Variants in SOX4 observed in about 807,000 individuals in gnomAD.
SOX4 encodes transcription factor SOX-4.
For missense variants in SOX4, 662 were observed against 694.9 expected (o/e 0.95, Z 0.53); for synonymous variants, 465 against 348.4 (o/e 1.33, Z -3.73).
chr6:21,595,659 C>G lies in SOX4; in HGVS notation c.1125C>G (p.Pro375=). 6.5e-7 allele frequency: 1 copy of G among 1,527,176 alleles called. No individual in the cohort carries two copies. The highest frequency in any genetic ancestry group is 8.8e-7 in the Non-Finnish European group (1 of 1,137,058). 94.6% of individuals were successfully genotyped at this position (1,527,176 alleles called of 1,614,324 possible). A position where few individuals can be genotyped will look rare whatever the true frequency, so the allele number is the denominator to read the frequency against. ...CCTCGCCCGCCCCGTCCAGCGCGCC[C>G]TCGCACGCGTCCTCCTCGGCCTCGT... ...RAASPAPSSA[P]SHASSSASSH... is the part of the protein sequence containing the mutation. Residue 375 remains proline, a synonymous_variant, in exon 1 of 1, where the codon CCC becomes CCG. Coordinates refer to ENST00000244745, the MANE Select transcript of SOX4 (RefSeq NM_003107.3).
Position 21,594,972 on chromosome 6 carries a change from C to T in SOX4, c.438C>T (p.Ala146=), listed in dbSNP as rs766126766. 3 of 1,599,756 alleles carry T rather than the reference C, an allele frequency of 1.9e-6. No individual in the cohort carries two copies. The highest frequency in any genetic ancestry group is 2.7e-5 in the African/African-American group (2 of 74,584). The change falls in exon 1 of 1, where the codon GCC becomes GCT. Residue 146 remains alanine, a synonymous_variant. Coordinates refer to ENST00000244745, the MANE Select transcript of SOX4 (RefSeq NM_003107.3). ...SGNANSSSSA[A]ASSKPGEKGD... is the part of the protein sequence containing the mutation. ...ACGCCAACTCCAGCTCCTCGGCCGC[C>T]GCCTCCTCCAAGCCGGGGGAGAAGG...
rs1279883059 is a variant in SOX4 at position 21,597,575 on chromosome 6, CCTT to C, written c.*1618_*1620del. On this transcript the variant is annotated 3_prime_UTR_variant, in exon 1 of 1. Transcript: ENST00000244745. ...TTGTTACCCACGCCATTTTACGTCT[CCTT>C]CACTGAAGGGCTAGAGTTTTAACTT... The C allele has an allele frequency of 7.5e-6, 1 of 133,588 alleles. No homozygotes were observed. The highest frequency in any genetic ancestry group is 2.2e-4 in the East Asian group (1 of 4,474). The allele number at this position is 133,588 out of a possible 1,614,324, so 8.3% of individuals were successfully genotyped here.
chr6:21,595,355 C>A lies in SOX4; in HGVS notation c.821C>A (p.Ala274Glu). 1 of 1,524,992 alleles carries A rather than the reference C, an allele frequency of 6.6e-7. No individual in the cohort carries two copies. The highest frequency in any genetic ancestry group is 8.7e-7 in the Non-Finnish European group (1 of 1,145,430). The allele number at this position is 1,524,992 out of a possible 1,614,324, so 94.5% of individuals were successfully genotyped here. ...TPSASASASS[A>E]ASASAALAAP... is the part of the protein sequence containing the mutation. ...AGCGCCTCGGCCTCCGCCTCCTCGG[C>A]AGCCTCGGCCTCCGCAGCGCTCGCG... Residue 274 changes from alanine to glutamate, a missense_variant, in exon 1 of 1, where the codon GCA (alanine) becomes GAA (glutamate). By Grantham distance (107) the Ala-to-Glu change is moderately radical. Transcript: ENST00000244745.
Position 21,595,257 on chromosome 6 carries a change from G to A in SOX4, c.723G>A (p.Gln241=). Residue 241 remains glutamine, a synonymous_variant, in exon 1 of 1, where the codon CAG becomes CAA. Transcript: ENST00000244745. The part of the protein sequence containing the change: ...AAAAASFAAE[Q]AGAAALLPLG... ...CCGCCGCCTCCTTCGCCGCCGAACAGGCGGGGGCCGCCGCCCTGCTGCCCC... is the reference window on the plus strand; with the variant it reads ...CCGCCGCCTCCTTCGCCGCCGAACAAGCGGGGGCCGCCGCCCTGCTGCCCC... 2 of 1,313,534 alleles carry A rather than the reference G, an allele frequency of 1.5e-6. No homozygotes were observed. Among genetic ancestry groups the A allele is most frequent in the Non-Finnish European group, 1.9e-6 (2 of 1,035,898 alleles). 81.4% of individuals were successfully genotyped at this position (1,313,534 alleles called of 1,614,324 possible).
At position 21,594,526 on chromosome 6, in the gene SOX4, G is replaced by C. The variant is rs764879731; in HGVS notation, c.-9G>C. 2 of 1,524,066 alleles carry C rather than the reference G, an allele frequency of 1.3e-6. No individual in the cohort carries two copies. Among genetic ancestry groups the C allele is most frequent in the Non-Finnish European group, 1.7e-6 (2 of 1,143,712 alleles). 94.4% of individuals were successfully genotyped at this position (1,524,066 alleles called of 1,614,324 possible). On this transcript the variant is annotated 5_prime_UTR_variant, in exon 1 of 1. Transcript: ENST00000244745. ...GTGAGCGCGCGTGGGCGCCCGCCGA[G>C]CCGAGGCCATGGTGCAGCAAACCAA...
chr6:21,596,079 A>G lies in SOX4; in HGVS notation c.*120A>G. The G allele has an allele frequency of 7.3e-7, 1 of 1,365,786 alleles. No individual in the cohort carries two copies. Among genetic ancestry groups the G allele is most frequent in the Non-Finnish European group, 9.5e-7 (1 of 1,053,272 alleles). The allele number at this position is 1,365,786 out of a possible 1,614,324, so 84.6% of individuals were successfully genotyped here. The stretch of plus-strand genomic sequence containing the variant: ...GAGAAAAGGGAAAAAAGAAAGAAAA[A>G]GTAAGCAGGGCTGGCTTCGCCCGCG... On this transcript the variant is annotated 3_prime_UTR_variant, in exon 1 of 1. Coordinates refer to ENST00000244745, the MANE Select transcript of SOX4 (RefSeq NM_003107.3).
At position 21,595,650 on chromosome 6, in the gene SOX4, C is replaced by T. The variant is rs1460019980; in HGVS notation, c.1116C>T (p.Ser372=). ...TGCGCGCCGCCTCGCCCGCCCCGTC[C>T]AGCGCGCCCTCGCACGCGTCCTCCT... is the stretch of plus-strand genomic sequence containing the variant. ...ASLRAASPAP[S]SAPSHASSSA... The change falls in exon 1 of 1, where the codon TCC becomes TCT. Residue 372 remains serine (S), a synonymous_variant. Transcript: ENST00000244745. 3 of 1,513,776 alleles carry T rather than the reference C, an allele frequency of 2.0e-6. No homozygotes were observed. Among genetic ancestry groups the T allele is most frequent in the Middle Eastern group, 3.6e-4 (2 of 5,592 alleles). 93.8% of individuals were successfully genotyped at this position (1,513,776 alleles called of 1,614,324 possible). A position where few individuals can be genotyped will look rare whatever the true frequency, so the allele number is the denominator to read the frequency against.
rs1324237914 is a variant in SOX4, at chr6:21,597,456, T to C, written c.*1497T>C. On this transcript the variant is annotated 3_prime_UTR_variant, in exon 1 of 1. Coordinates refer to ENST00000244745, the MANE Select transcript of SOX4 (RefSeq NM_003107.3). ...ATATTTTTTCTTTTGTCCCTTTTTT[T>C]CTTTCCTTTCTTTTTACTTCCTTTA... is the stretch of plus-strand genomic sequence containing the variant. 16 of 164,882 alleles carry C rather than the reference T, an allele frequency of 9.7e-5. 1 individual carries two copies. Among genetic ancestry groups the C allele is most frequent in the Non-Finnish European group, 5.9e-5 (4 of 68,006 alleles). The allele number at this position is 164,882 out of a possible 1,614,324, so 10.2% of individuals were successfully genotyped here.
chr6:21,596,234 C>G lies in SOX4; in HGVS notation c.*275C>G, dbSNP rs1262119729. The G allele has an allele frequency of 3.1e-6, 1 of 324,890 alleles. No individual in the cohort carries two copies. The highest frequency in any genetic ancestry group is 9.7e-5 in the South Asian group (1 of 10,284). The allele number at this position is 324,890 out of a possible 1,614,324, so 20.1% of individuals were successfully genotyped here. On this transcript the variant is annotated 3_prime_UTR_variant, in exon 1 of 1. Coordinates refer to ENST00000244745, the MANE Select transcript of SOX4 (RefSeq NM_003107.3). The stretch of plus-strand genomic sequence containing the variant: ...GGAGGAAGAGGGTAGACAGGGGCGA[C>G]CTGTGATTGTTGTTATTGATGTTGT...
Position 21,595,424 on chromosome 6 carries a change from A to G in SOX4, c.890A>G (p.Tyr297Cys). Reference protein sequence around the residue: ...HLAEKKVKRVYLFGGLGTSSS... With the variant: ...HLAEKKVKRVCLFGGLGTSSS... Reference sequence around the variant, plus strand: ...GCGGAGAAGAAGGTGAAGCGCGTCTACCTGTTCGGCGGCCTGGGCACGTCG... The same window carrying G: ...GCGGAGAAGAAGGTGAAGCGCGTCTGCCTGTTCGGCGGCCTGGGCACGTCG... The change falls in exon 1 of 1, where the codon TAC becomes TGC. Residue 297 changes from tyrosine (Y) to cysteine (C), a missense_variant. By Grantham distance (194) the Tyr-to-Cys change is radical. Transcript: ENST00000244745. 6.6e-7 allele frequency: 1 copy of G among 1,524,562 alleles called. No homozygotes were observed. Among genetic ancestry groups the G allele is most frequent in the Non-Finnish European group, 8.7e-7 (1 of 1,143,932 alleles). The allele number at this position is 1,524,562 out of a possible 1,614,324, so 94.4% of individuals were successfully genotyped here.
rs1763091250 is a variant in SOX4 at position 21,594,447 on chromosome 6, TTGGCCCGGGGAACCGGGA to T, written c.-87_-70del. 7.5e-7 allele frequency: 1 copy of T among 1,337,256 alleles called. No homozygotes were observed. Among genetic ancestry groups the T allele is most frequent in the Non-Finnish European group, 9.5e-7 (1 of 1,052,570 alleles). 82.8% of individuals were successfully genotyped at this position (1,337,256 alleles called of 1,614,324 possible). ...GCGCGTCTTCCCGTTCGGCGTGTGC[TTGGCCCGGGGAACCGGGA>T]GGGCCCGGCGATCGCGCGGCGGCCG... On this transcript the variant is annotated 5_prime_UTR_variant, in exon 1 of 1. Transcript: ENST00000244745.
At position 21,595,067 on chromosome 6, in the gene SOX4, G is replaced by A. The variant is rs1014196995; in HGVS notation, c.533G>A (p.Gly178Glu). Residue 178 changes from glycine (G) to glutamate (E), a missense_variant, in exon 1 of 1, where the codon GGG becomes GAG. Gly to Glu is a moderately conservative substitution (Grantham distance 98). Coordinates refer to ENST00000244745, the MANE Select transcript of SOX4 (RefSeq NM_003107.3). ...GGCGGCGGCGGGAGCAGCAACGCGGGGGGAGGAGGCGGCGGTGCGAGTGGC... is the reference window on the plus strand; with the variant it reads ...GGCGGCGGCGGGAGCAGCAACGCGGAGGGAGGAGGCGGCGGTGCGAGTGGC... ...GGGGGGSSNA[G>E]GGGGGASGGG... 4 of 1,418,084 alleles carry A rather than the reference G, an allele frequency of 2.8e-6. No individual in the cohort carries two copies. Among genetic ancestry groups the A allele is most frequent in the Non-Finnish European group, 3.7e-6 (4 of 1,092,658 alleles). The allele number at this position is 1,418,084 out of a possible 1,614,324, so 87.8% of individuals were successfully genotyped here. A position where few individuals can be genotyped will look rare whatever the true frequency, so the allele number is the denominator to read the frequency against.
chr6:21,595,425 C>T lies in SOX4; in HGVS notation c.891C>T (p.Tyr297=), dbSNP rs761643852. 1.5e-5 allele frequency: 23 copies of T among 1,524,784 alleles called. No individual in the cohort carries two copies. Among genetic ancestry groups the T allele is most frequent in the Middle Eastern group, 1.7e-4 (1 of 5,798 alleles). The allele number at this position is 1,524,784 out of a possible 1,614,324, so 94.5% of individuals were successfully genotyped here. The change falls in exon 1 of 1, where the codon TAC becomes TAT. Residue 297 remains tyrosine (Y), a synonymous_variant. Coordinates refer to ENST00000244745, the MANE Select transcript of SOX4 (RefSeq NM_003107.3). ...CGGAGAAGAAGGTGAAGCGCGTCTACCTGTTCGGCGGCCTGGGCACGTCGT... is the reference window on the plus strand; with the variant it reads ...CGGAGAAGAAGGTGAAGCGCGTCTATCTGTTCGGCGGCCTGGGCACGTCGT... The part of the protein sequence containing the change: ...HLAEKKVKRV[Y]LFGGLGTSSS...
Position 21,594,456 on chromosome 6 carries a change from G to C in SOX4, c.-79G>C. ...CCCGTTCGGCGTGTGCTTGGCCCGG[G>C]GAACCGGGAGGGCCCGGCGATCGCG... On this transcript the variant is annotated 5_prime_UTR_variant, in exon 1 of 1. Transcript: ENST00000244745. 7.5e-7 allele frequency: 1 copy of C among 1,341,960 alleles called. No homozygotes were observed. Among genetic ancestry groups the C allele is most frequent in the South Asian group, 2.0e-5 (1 of 51,106 alleles). The allele number at this position is 1,341,960 out of a possible 1,614,324, so 83.1% of individuals were successfully genotyped here. A position where few individuals can be genotyped will look rare whatever the true frequency, so the allele number is the denominator to read the frequency against.
Position 21,595,908 on chromosome 6 carries a change from C to A in SOX4, c.1374C>A (p.Ile458=). ...GCACGCCCGAGGTGAGCGAGATGAT[C>A]TCGGGAGACTGGCTCGAGTCCAGCA... ...DYCTPEVSEM[I]SGDWLESSIS... is the part of the protein sequence containing the mutation. The change falls in exon 1 of 1, where the codon ATC becomes ATA. Residue 458 remains isoleucine (I), a synonymous_variant. Coordinates refer to ENST00000244745, the MANE Select transcript of SOX4 (RefSeq NM_003107.3). 1 of 1,599,284 alleles carries A rather than the reference C, an allele frequency of 6.3e-7. No homozygotes were observed. Among genetic ancestry groups the A allele is most frequent in the South Asian group, 1.1e-5 (1 of 88,406 alleles).
In SOX4 at chr6:21,597,294, TG is replaced by T. The variant is rs1482553356; in HGVS notation, c.*1336del. ...TTCAGGACCAAATTTTTTCTCAGTG[TG>T]TGTGTTTATTCCTTATAGGTGTAAA... On this transcript the variant is annotated 3_prime_UTR_variant, in exon 1 of 1. Transcript: ENST00000244745. 6.0e-6 allele frequency: 1 copy of T among 167,034 alleles called. No individual in the cohort carries two copies. Among genetic ancestry groups the T allele is most frequent in the Admixed American group, 6.5e-5 (1 of 15,286 alleles). 10.3% of individuals were successfully genotyped at this position (167,034 alleles called of 1,614,324 possible). A position where few individuals can be genotyped will look rare whatever the true frequency, so the allele number is the denominator to read the frequency against.
In SOX4 at chr6:21,597,649, CAAAA is replaced by C. The variant is rs556251795; in HGVS notation, c.*1694_*1697del. 4.0e-4 allele frequency: 64 copies of C among 161,264 alleles called. No homozygotes were observed. Among genetic ancestry groups the C allele is most frequent in the African/African-American group, 5.8e-4 (23 of 39,628 alleles). 10.0% of individuals were successfully genotyped at this position (161,264 alleles called of 1,614,324 possible). A position where few individuals can be genotyped will look rare whatever the true frequency, so the allele number is the denominator to read the frequency against. Reference sequence around the variant, plus strand: ...GTAGACTTTTGACACTTTTAAAAAACAAAAAAAGACAAGAGAGATGAAAACGTTT... The same window carrying C: ...GTAGACTTTTGACACTTTTAAAAAACAAAGACAAGAGAGATGAAAACGTTT... On this transcript the variant is annotated 3_prime_UTR_variant, in exon 1 of 1. Transcript: ENST00000244745.
Position 21,595,389 on chromosome 6 carries a change from C to A in SOX4, c.855C>A (p.Gly285=), listed in dbSNP as rs866359896. The A allele has an allele frequency of 6.5e-7, 1 of 1,538,408 alleles. No homozygotes were observed. The highest frequency in any genetic ancestry group is 1.7e-4 in the Middle Eastern group (1 of 5,800). Residue 285 remains glycine (G), a synonymous_variant, in exon 1 of 1, where the codon GGC becomes GGA. Transcript: ENST00000244745. Reference sequence around the variant, plus strand: ...CCTCCGCAGCGCTCGCGGCCCCGGGCAAGCACCTGGCGGAGAAGAAGGTGA... The same window carrying A: ...CCTCCGCAGCGCTCGCGGCCCCGGGAAAGCACCTGGCGGAGAAGAAGGTGA... The part of the protein sequence containing the change: ...ASASAALAAP[G]KHLAEKKVKR...
At position 21,595,953 on chromosome 6, in the gene SOX4, C is replaced by T. The variant is rs1763140677; in HGVS notation, c.1419C>T (p.Thr473=). The T allele has an allele frequency of 4.5e-6, 7 of 1,542,950 alleles. No homozygotes were observed. Among genetic ancestry groups the T allele is most frequent in the Non-Finnish European group, 6.1e-6 (7 of 1,142,468 alleles). ...CCAGCATCTCCAACCTGGTTTTCACCTACTGAAGGGCGCGCAGGCAGGGAG... is the reference window on the plus strand; with the variant it reads ...CCAGCATCTCCAACCTGGTTTTCACTTACTGAAGGGCGCGCAGGCAGGGAG... The part of the protein sequence containing the change: ...LESSISNLVF[T]Y The change falls in exon 1 of 1, where the codon ACC becomes ACT. Residue 473 remains threonine, a synonymous_variant. Coordinates refer to ENST00000244745, the MANE Select transcript of SOX4 (RefSeq NM_003107.3).
Sources: allele counts gnomAD v4.1 joint callset, GRCh38; gene constraint gnomAD v4.1.1; transcripts MANE v1.5; gene names NCBI Gene and HGNC (gene_info 2026-07-23, HGNC 2026-07-21).